RERE: variants seen among roughly 807,000 people sequenced by gnomAD.
RERE encodes the protein arginine-glutamic acid dipeptide repeats.
RERE carries 40 observed loss-of-function variants against 146.1 expected under a neutral mutation model. That is an observed-to-expected ratio of 0.27 (90% CI 0.21 to 0.36). RERE has a LOEUF of 0.36. RERE is among the 10% of genes least tolerant of loss of function. RERE has a pLI of 1.00. For missense variants in RERE, 1,933 were observed against 2,138.7 expected (o/e 0.90, Z 1.90); for synonymous variants, 1,003 against 866.0 (o/e 1.16, Z -2.78).
At chr1:8,498,732 T>TATACACACACACACACACACACAC (rs150497092) in intron 8 of RERE, among the ~76,000 whole-genome samples, 4 of 107,834 alleles carry the variant, frequency 3.7e-5, no homozygotes, top group Admixed American at 1.1e-4. Context: ...AATAAATATA[T>TATACACACACACACACACACACAC]ACACACACAC....
chr1:8,767,671 GCTTT>G (rs1269718594), intron 1 of RERE, among the ~76,000 whole-genome samples: 255 of 121,608 alleles, frequency 2.1e-3, no homozygotes, highest in African/African-American at 6.9e-3. Context: ...TAAATAAAAA[GCTTT>G]CTTTATTAAA....
chr1:8,782,341 G>C (rs1243611263), intron 1 of RERE, among the ~76,000 whole-genome samples: 2 of 151,916 alleles, frequency 1.3e-5, no homozygotes, highest in Non-Finnish European at 2.9e-5. Flanking sequence ...CTTTTTTGCT[G>C]ATCTCTTATC....
At chr1:8,727,667 T>G (rs1639999191) in intron 1 of RERE, among the ~76,000 whole-genome samples, 1 of 152,134 alleles carries the variant, frequency 6.6e-6, no homozygotes, top group African/African-American at 2.4e-5. Context: ...CTGATTTTTG[T>G]ATTTTTGGTA....
intron 12 of RERE, among the ~76,000 whole-genome samples, chr1:8,376,432 C>G (rs1570088172): frequency 6.6e-6 from 1 of 152,296 alleles, no homozygotes; most frequent in Non-Finnish European, 1.5e-5. Flanking sequence ...CATTTGGTAG[C>G]CATGAGTGAA....
chr1:8,557,455 C>T lies in RERE; in HGVS notation c.591G>A (p.Val197=). ...GTCGATCCTGAACCAAATGCTGATA[C>T]ACAGAATCTGGAACCTCAGATTGAC... is the stretch of plus-strand genomic sequence containing the variant. The part of the protein sequence containing the change: ...YYRQSEVPDS[V]YQHLVQDRHN... The change falls in exon 5 of 23, where the codon GTG becomes GTA. Residue 197 remains valine, a synonymous_variant. Coordinates refer to ENST00000400908, the MANE Select transcript of RERE (RefSeq NM_001042681.2). 1.9e-6 allele frequency: 3 copies of T among 1,612,806 alleles called. No homozygotes were observed. The highest frequency in any genetic ancestry group is 2.5e-6 in the Non-Finnish European group (3 of 1,178,800).
chr1:8,361,848 A>G lies in RERE; in HGVS notation c.1931T>C (p.Leu644Pro), dbSNP rs770816401. 2 of 1,613,914 alleles carry G rather than the reference A, an allele frequency of 1.2e-6. No homozygotes were observed. The highest frequency in any genetic ancestry group is 1.7e-6 in the Non-Finnish European group (2 of 1,179,804). The change falls in exon 17 of 23, where the codon CTT becomes CCT. Residue 644 changes from leucine (L) to proline (P), a missense_variant. By Grantham distance (98) the Leu-to-Pro change is moderately conservative. Transcript: ENST00000400908. Reference protein sequence around the residue: ...KKVKEEASSPLKSNKRQREKV... With the variant: ...KKVKEEASSPPKSNKRQREKV... ...CTCCCGCTGGCGTTTGTTACTCTTA[A>G]GAGGGGAAGAGGCTTCCTCCTTCAC...
intron 1 of RERE, chr1:8,807,037 G>A (rs1375056491): frequency 6.6e-6 from 1 of 152,088 alleles, no homozygotes; most frequent in Admixed American, 6.6e-5. Flanking sequence ...TGTACCTTAT[G>A]GGGTTCTCTT....
intron 1 of RERE, among the ~76,000 whole-genome samples, chr1:8,694,728 A>G (rs1639284225): frequency 2.0e-5 from 3 of 151,994 alleles, no homozygotes. Flanking sequence ...CTCTGCATTC[A>G]CGGCTGGGTG....
At chr1:8,561,493 A>C (rs971103279) in intron 4 of RERE, among the ~76,000 whole-genome samples, 2 of 152,198 alleles carry the variant, frequency 1.3e-5, no homozygotes. Context: ...TTGCAACCTG[A>C]GTGGAGTCCC....
At chr1:8,486,755 TAAAA>T (rs33956517) in intron 10 of RERE, among the ~76,000 whole-genome samples, 1 of 122,350 alleles carries the variant, frequency 8.2e-6, no homozygotes, top group East Asian at 2.3e-4. Context: ...GAGTCCATCT[TAAAA>T]AAAAAAAAAA....
chr1:8,482,498 G>A (rs1644848102), intron 10 of RERE, among the ~76,000 whole-genome samples: 1 of 151,796 alleles, frequency 6.6e-6, no homozygotes, highest in East Asian at 1.9e-4. Flanking sequence ...TGGCTAACAT[G>A]GTGAAACCCC....
chr1:8,369,798 A>G (rs369371732), intron 12 of RERE, among the ~76,000 whole-genome samples: 2 of 152,052 alleles, frequency 1.3e-5, no homozygotes, highest in Non-Finnish European at 2.9e-5. Flanking sequence ...CTATATATAT[A>G]TATTTTTTTG....
intron 12 of RERE, among the ~76,000 whole-genome samples, chr1:8,367,695 T>G (rs547688958): frequency 6.6e-6 from 1 of 152,294 alleles, no homozygotes; most frequent in African/African-American, 2.4e-5. Context: ...GAAATGCAGA[T>G]ACTGCCATTG....
intron 4 of RERE, among the ~76,000 whole-genome samples, chr1:8,601,125 T>C (rs534239584): frequency 3.6e-4 from 54 of 149,578 alleles, no homozygotes; most frequent in Non-Finnish European, 6.9e-4. Flanking sequence ...GTTCAAGCAG[T>C]TCTCCTGCCT....
intron 4 of RERE, among the ~76,000 whole-genome samples, chr1:8,610,894 T>TAA (rs1312176735): frequency 6.4e-5 from 9 of 140,000 alleles, no homozygotes; most frequent in African/African-American, 1.0e-4. Context: ...AATAATGATT[T>TAA]AAAAAAAAAA....
intron 4 of RERE, among the ~76,000 whole-genome samples, chr1:8,590,129 C>A (rs1646475491): frequency 6.6e-6 from 1 of 152,036 alleles, no homozygotes; most frequent in Admixed American, 6.6e-5. Context: ...TGAGAGCTGG[C>A]CAGACAGAAC....
At chr1:8,465,724 A>G (rs1644586679) in intron 11 of RERE, 1 of 664,920 alleles carries the variant, frequency 1.5e-6, no homozygotes, top group Non-Finnish European at 2.8e-6. Context: ...CCCGACATCT[A>G]TGAAGCCTAA....
At chr1:8,508,757 C>A (rs985999421) in intron 7 of RERE, 82 bp from the exon 8 acceptor site, 10 of 1,134,430 alleles carry the variant, frequency 8.8e-6, no homozygotes, top group East Asian at 2.3e-5. Context: ...AAAAGTAATT[C>A]TCTTCAAATA....
At chr1:8,673,848 T>A (rs1030266052) in intron 1 of RERE, among the ~76,000 whole-genome samples, 2 of 152,068 alleles carry the variant, frequency 1.3e-5, no homozygotes, top group African/African-American at 4.8e-5. Flanking sequence ...TTTGAGATCA[T>A]GGCCAAATCC....
Sources: allele counts gnomAD v4.1 joint callset (sites outside exome capture counted in the v4.1 genomes callset), GRCh38; gene constraint gnomAD v4.1.1; transcripts MANE v1.5; gene names NCBI Gene and HGNC (gene_info 2026-07-23, HGNC 2026-07-21).